Variants in SLC5A1 observed in about 807,000 individuals in gnomAD.
The protein encoded by SLC5A1 is sodium/glucose cotransporter 1.
A neutral mutation model predicts 73.5 loss-of-function variants in SLC5A1; 42 were observed. The observed-to-expected ratio is 0.57, with a 90% CI of 0.45 to 0.74. SLC5A1 has a LOEUF of 0.74. SLC5A1 is among the 30% of genes least tolerant of loss of function. The pLI is 0.00. For missense variants in SLC5A1, 634 were observed against 855.4 expected (o/e 0.74, Z 3.23); for synonymous variants, 300 against 317.4 (o/e 0.95, Z 0.58).
intron 14 of SLC5A1, among the ~76,000 whole-genome samples, chr22:32,107,208 A>T (rs2094047823): frequency 6.6e-6 from 1 of 152,126 alleles, no homozygotes; most frequent in South Asian, 2.1e-4. Flanking sequence ...TACTTCTCCT[A>T]CCTCCAAAAA....
At chr22:32,091,913 A>G in intron 11 of SLC5A1, 151 bp downstream of exon 11, 1 of 562,272 alleles carries the variant, frequency 1.8e-6, no homozygotes, top group Non-Finnish European at 3.0e-6. Flanking sequence ...GTGGCATTTA[A>G]CTTTATTTAC....
chr22:32,091,719 G>T lies in SLC5A1; in HGVS notation c.1237G>T (p.Val413Phe), dbSNP rs200957752. ...CTTCACCATGGACATCTACGCCAAG[G>T]TCCGCAAGAGAGCATCTGAGAAAGA... is the stretch of plus-strand genomic sequence containing the variant. ...TLFTMDIYAK[V>F]RKRASEKELM... Residue 413 changes from valine (V) to phenylalanine (F), a missense_variant, in exon 11 of 15, where the codon GTC becomes TTC. This residue lies in a region of SLC5A1 where 422 missense variants were observed against 626.1 expected (regional missense o/e 0.67). Coordinates refer to ENST00000266088, the MANE Select transcript of SLC5A1 (RefSeq NM_000343.4). 6.2e-7 allele frequency: 1 copy of T among 1,614,012 alleles called. No homozygotes were observed. Among genetic ancestry groups the T allele is most frequent in the Non-Finnish European group, 8.5e-7 (1 of 1,179,992 alleles).
intron 4 of SLC5A1, 37 bp downstream of exon 4, chr22:32,068,063 A>T: frequency 6.3e-7 from 1 of 1,594,898 alleles, no homozygotes; most frequent in South Asian, 1.1e-5. Context: ...TCCTGCTGGC[A>T]AATGTATCTG....
At position 32,085,119 on chromosome 22, in the gene SLC5A1, C is replaced by G. The variant is rs552701039; in HGVS notation, c.1021+84C>G. On this transcript the variant is annotated intron_variant, in intron 9 of 14. Coordinates refer to ENST00000266088, the MANE Select transcript of SLC5A1 (RefSeq NM_000343.4). ...CTAAAGCTCTATAGCTTCCCGCTTC[C>G]TCCTCTTTTTTTTTGAGACCAGGTC... 42 of 1,543,400 alleles carry G rather than the reference C, an allele frequency of 2.7e-5. No individual in the cohort carries two copies. The Admixed American group carries it at 6.9e-4, about 25-fold the overall frequency.
intron 6 of SLC5A1, 155 bp from the exon 7 acceptor site, chr22:32,082,919 C>A: frequency 1.4e-6 from 1 of 701,622 alleles, no homozygotes; most frequent in Non-Finnish European, 2.6e-6. Flanking sequence ...AATACTGTAA[C>A]AGGACAAGGG....
At chr22:32,056,255 A>T (rs1198773317) in intron 2 of SLC5A1, among the ~76,000 whole-genome samples, 1 of 152,074 alleles carries the variant, frequency 6.6e-6, no homozygotes, top group Non-Finnish European at 1.5e-5. Flanking sequence ...TCCCGAGCTC[A>T]AGCAGTCTTC....
In SLC5A1 at chr22:32,043,365, T is replaced by C; in HGVS notation, c.84T>C (p.Asp28=). Residue 28 remains aspartate, a synonymous_variant, in exon 1 of 15, where the codon GAT becomes GAC. Transcript: ENST00000266088. This position sits in a 1 kb window ranked among gnomAD's most constrained non-coding sequence, Gnocchi z 6.5. ...ETHELIRNAA[D]ISIIVIYFVV... ...ACGAGCTCATTCGCAATGCAGCCGA[T>C]ATCTCCATCATCGTTATCTACTTCG... 1 of 1,614,178 alleles carries C rather than the reference T, an allele frequency of 6.2e-7. No homozygotes were observed. The highest frequency in any genetic ancestry group is 8.5e-7 in the Non-Finnish European group (1 of 1,180,030).
intron 13 of SLC5A1, among the ~76,000 whole-genome samples, chr22:32,103,990 G>A (rs903063785): frequency 6.6e-6 from 1 of 152,126 alleles, no homozygotes; most frequent in Non-Finnish European, 1.5e-5. Context: ...TTAACCCAAG[G>A]TCATATTTAT....
At chr22:32,083,852 T>C (rs1250552564) in intron 7 of SLC5A1, among the ~76,000 whole-genome samples, 1 of 152,176 alleles carries the variant, frequency 6.6e-6, no homozygotes, top group African/African-American at 2.4e-5. Flanking sequence ...GGACTTTCAT[T>C]TGGTTCTCCC....
intron 2 of SLC5A1, among the ~76,000 whole-genome samples, chr22:32,065,430 T>C (rs1315863378): frequency 6.6e-6 from 1 of 152,228 alleles, no homozygotes; most frequent in Non-Finnish European, 1.5e-5. Context: ...TGAATTATAA[T>C]AGTAATTCTT....
intron 2 of SLC5A1, among the ~76,000 whole-genome samples, chr22:32,064,258 G>A (rs1375804287): frequency 2.6e-5 from 4 of 152,106 alleles, no homozygotes; most frequent in African/African-American, 9.7e-5. Context: ...CATTTTGGGA[G>A]GCCAAGGCGG....
chr22:32,061,275 C>G (rs922459348), intron 2 of SLC5A1, among the ~76,000 whole-genome samples: 5 of 152,096 alleles, frequency 3.3e-5, no homozygotes, highest in Non-Finnish European at 7.4e-5. Flanking sequence ...ATTAGCTGGG[C>G]ATGCTGGCAT....
rs531442284 is a variant in SLC5A1 at position 32,090,107 on chromosome 22, A to G, written c.1130-1505A>G. ...AAATACAGCCTTGTCTTTCAAAAAA[A>G]AAAAAAAAAACAAAAAAACTTAATT... is the stretch of plus-strand genomic sequence containing the variant. On this transcript the variant is annotated intron_variant, in intron 10 of 14. Transcript: ENST00000266088. 7.2e-5 allele frequency among the ~76,000 whole-genome samples: 11 copies of G among 152,084 alleles called. No homozygotes were observed. In the East Asian group the frequency reaches 1.4e-3, roughly 19 times the overall value.
chr22:32,051,555 C>T (rs2093945103), intron 2 of SLC5A1, among the ~76,000 whole-genome samples: 2 of 152,110 alleles, frequency 1.3e-5, no homozygotes, highest in African/African-American at 2.4e-5. Context: ...ACTTGGAAGG[C>T]TGAGGTGGGA....
chr22:32,068,748 C>A, intron 5 of SLC5A1, 148 bp downstream of exon 5: 2 of 676,414 alleles, frequency 3.0e-6, no homozygotes, highest in South Asian at 3.1e-5. Context: ...AGTCCTATTT[C>A]TGCATCGAGG....
In SLC5A1 at chr22:32,074,981, T is replaced by G. The variant is rs1357895049; in HGVS notation, c.477+6381T>G. On this transcript the variant is annotated intron_variant, in intron 5 of 14. Transcript: ENST00000266088. ...GCATGATCATGGGTCAATGCAACCTTAAACTCGTGGGCTCAAGTGATCATC... is the reference window on the plus strand; with the variant it reads ...GCATGATCATGGGTCAATGCAACCTGAAACTCGTGGGCTCAAGTGATCATC... Among the ~76,000 whole-genome samples the G allele has an allele frequency of 2.0e-5, 3 of 151,956 alleles. No homozygotes were observed. In the East Asian group the frequency reaches 5.8e-4, roughly 29 times the overall value.
At chr22:32,064,566 C>T (rs1273747107) in intron 2 of SLC5A1, among the ~76,000 whole-genome samples, 2 of 151,896 alleles carry the variant, frequency 1.3e-5, no homozygotes, top group Non-Finnish European at 2.9e-5. Flanking sequence ...TGTCTCTAAA[C>T]AACCTGCCTT....
At position 32,068,486 on chromosome 22, in the gene SLC5A1, C is replaced by T. The variant is rs756495277; in HGVS notation, c.373-10C>T. ...GTGGCTGGCAGTGACCTCCCTCGCA[C>T]CCCATGCAGGTGGTGACAATGCCAG... is the stretch of plus-strand genomic sequence containing the variant. On this transcript the variant is annotated splice_polypyrimidine_tract_variant and intron_variant, in intron 4 of 14. Transcript: ENST00000266088. 3.8e-5 allele frequency: 60 copies of T among 1,597,060 alleles called. No individual in the cohort carries two copies. Among genetic ancestry groups the T allele is most frequent in the Non-Finnish European group, 5.1e-5 (59 of 1,164,686 alleles).
chr22:32,097,056 T>A (rs2094027403), intron 11 of SLC5A1, among the ~76,000 whole-genome samples: 2 of 152,242 alleles, frequency 1.3e-5, no homozygotes, highest in Admixed American at 1.3e-4. Flanking sequence ...GTGGATCAAA[T>A]GCAAAATGCT....
Sources: allele counts gnomAD v4.1 joint callset (sites outside exome capture counted in the v4.1 genomes callset), GRCh38; gene constraint gnomAD v4.1.1; regional missense constraint gnomAD v4.1.1; non-coding constraint Gnocchi (gnomAD v3.1); transcripts MANE v1.5; gene names NCBI Gene and HGNC (gene_info 2026-07-23, HGNC 2026-07-21).